The following ZFHX3 variants were observed in gnomAD, a reference collection of about 807,000 sequenced individuals.
ZFHX3 encodes the protein zinc finger homeobox 3.
Under a neutral mutation model 279.1 loss-of-function variants are expected in ZFHX3, and 42 were observed. That is an observed-to-expected ratio of 0.15 (90% CI 0.12 to 0.19). The LOEUF (loss-of-function observed/expected upper bound fraction) is 0.19, where lower values mean the gene tolerates loss of function less well. Among genes scored for constraint, ZFHX3 ranks in the 10% least tolerant of loss-of-function variants. ZFHX3 has a pLI of 1.00. For missense variants in ZFHX3, 4,981 were observed against 4,754.0 expected, an observed-to-expected ratio of 1.05 and a Z score of -1.40; for synonymous variants, 2,293 against 1,957.8, an observed-to-expected ratio of 1.17 and a Z score of -4.52.
At position 73,877,661 on chromosome 16, in the gene ZFHX3, T is replaced by A. The variant is rs145167918; in HGVS notation, c.-1608+13990A>T. ...AATAGAAAGAAACAGTATTGATAAA[T>A]GGAAGTCAAATATTATTACCAAATG... is the stretch of plus-strand genomic sequence containing the variant. On this transcript the variant is annotated intron_variant, in intron 1 of 17. Transcript: ENST00000641206. Among the ~76,000 whole-genome samples the A allele has an allele frequency of 9.1e-4, 139 of 152,228 alleles. 1 individual carries two copies. The highest frequency in any genetic ancestry group is 3.1e-3 in the African/African-American group (130 of 41,556).
chr16:72,951,551 C>T (rs748378497), intron 2 of ZFHX3, among the ~76,000 whole-genome samples: 6 of 152,172 alleles, frequency 3.9e-5, no homozygotes, highest in Admixed American at 6.5e-5. Flanking sequence ...CATGAGCCAC[C>T]GCGCCCAGCC....
chr16:73,166,392 AT>A (rs1327093509), intron 5 of ZFHX3, among the ~76,000 whole-genome samples: 2 of 152,274 alleles, frequency 1.3e-5, no homozygotes, highest in South Asian at 2.1e-4. Flanking sequence ...TTGCAATGAG[AT>A]TTTTTAGAAT....
intron 2 of ZFHX3, among the ~76,000 whole-genome samples, chr16:73,467,373 TCA>T (rs2018591568): frequency 6.6e-6 from 1 of 152,180 alleles, no homozygotes; most frequent in African/African-American, 2.4e-5. Context: ...GGACTCTAGG[TCA>T]CAATTCTTGG....
intron 5 of ZFHX3, among the ~76,000 whole-genome samples, chr16:73,168,290 C>CTTTCTT (rs1555502352): frequency 9.5e-5 from 8 of 84,192 alleles, no homozygotes; most frequent in African/African-American, 1.4e-4. Context: ...GAGACAAAGT[C>CTTTCTT]TCACTCTGTC....
chr16:73,276,191 T>A (rs1241271869), intron 4 of ZFHX3, among the ~76,000 whole-genome samples: 3 of 151,144 alleles, frequency 2.0e-5, no homozygotes, highest in African/African-American at 7.3e-5. Flanking sequence ...TTTTTTTTTT[T>A]TTCTTTTCTG....
intron 1 of ZFHX3, among the ~76,000 whole-genome samples, chr16:73,871,741 A>G (rs1170789205): frequency 1.3e-5 from 2 of 152,210 alleles, no homozygotes; most frequent in Non-Finnish European, 2.9e-5. Flanking sequence ...CTTTAAAAAA[A>G]AAATGAAGTT....
At chr16:73,876,877 G>A (rs938413417) in intron 1 of ZFHX3, among the ~76,000 whole-genome samples, 3 of 152,090 alleles carry the variant, frequency 2.0e-5, no homozygotes, top group African/African-American at 7.2e-5. Flanking sequence ...AACCCACCGT[G>A]TGGGTTCACG....
intron 3 of ZFHX3, among the ~76,000 whole-genome samples, chr16:72,921,852 C>G (rs1246569599): frequency 6.6e-6 from 1 of 152,232 alleles, no homozygotes; most frequent in Non-Finnish European, 1.5e-5. Flanking sequence ...TCACCGGCAG[C>G]AGGCAGTACC....
At chr16:73,415,449 G>A (rs1436971678) in intron 3 of ZFHX3, among the ~76,000 whole-genome samples, 1 of 152,210 alleles carries the variant, frequency 6.6e-6, no homozygotes, top group Non-Finnish European at 1.5e-5. Context: ...TAATGAAACA[G>A]ATGGTGGAAA....
chr16:73,798,147 C>G (rs1960047889), intron 1 of ZFHX3, among the ~76,000 whole-genome samples: 1 of 152,072 alleles, frequency 6.6e-6, no homozygotes, highest in Non-Finnish European at 1.5e-5. Flanking sequence ...AGTAATAACA[C>G]TGTTGTCACT....
intron 3 of ZFHX3, among the ~76,000 whole-genome samples, chr16:73,352,242 T>C (rs760449931): frequency 8.5e-5 from 13 of 152,304 alleles, no homozygotes; most frequent in Admixed American, 2.6e-4. Context: ...GTGCACTGCA[T>C]GGCCTAAAGC....
intron 1 of ZFHX3, among the ~76,000 whole-genome samples, chr16:73,842,464 C>T (rs1961335600): frequency 6.6e-6 from 1 of 152,042 alleles, no homozygotes; most frequent in East Asian, 1.9e-4. Context: ...GACCTAGAGG[C>T]TTGGTGGGCT....
chr16:72,868,577 G>A (rs1237059550), intron 4 of ZFHX3, among the ~76,000 whole-genome samples: 1 of 152,306 alleles, frequency 6.6e-6, no homozygotes, highest in African/African-American at 2.4e-5. Flanking sequence ...CTCCCTAGAG[G>A]GGAAAGTCCT....
At chr16:73,717,223 A>T (rs2053424825) in intron 1 of ZFHX3, among the ~76,000 whole-genome samples, 1 of 152,204 alleles carries the variant, frequency 6.6e-6, no homozygotes, top group African/African-American at 2.4e-5. Context: ...GTGTGGAATA[A>T]AAAGAAACAG....
intron 2 of ZFHX3, among the ~76,000 whole-genome samples, chr16:73,529,027 T>C (rs2019745427): frequency 3.9e-5 from 6 of 152,174 alleles, no homozygotes; most frequent in Admixed American, 3.9e-4. Flanking sequence ...GAATAAAATA[T>C]GAGTTTGCCA....
chr16:73,322,178 C>G (rs2015587846), intron 3 of ZFHX3, among the ~76,000 whole-genome samples: 1 of 152,122 alleles, frequency 6.6e-6, no homozygotes, highest in African/African-American at 2.4e-5. Flanking sequence ...GTCCACCAGC[C>G]TGGTCTGCAT....
At chr16:73,167,924 G>A (rs1597197990) in intron 5 of ZFHX3, among the ~76,000 whole-genome samples, 1 of 152,160 alleles carries the variant, frequency 6.6e-6, no homozygotes, top group Admixed American at 6.5e-5. Context: ...AAAACGACTC[G>A]ATGCTTCCCA....
intron 1 of ZFHX3, among the ~76,000 whole-genome samples, chr16:73,004,321 CTTTTTT>C (rs34987461): frequency 3.8e-5 from 2 of 52,102 alleles, no homozygotes; most frequent in African/African-American, 1.7e-4. Context: ...ATGCATCAAT[CTTTTTT>C]TTTTTTTTTT....
intron 2 of ZFHX3, among the ~76,000 whole-genome samples, chr16:73,469,430 G>A (rs1310249595): frequency 2.6e-5 from 4 of 152,056 alleles, no homozygotes; most frequent in South Asian, 2.1e-4. Context: ...GCAGAACAGA[G>A]CACCTGTATA....
Sources: gnomAD v4.1 joint callset for allele counts (sites outside exome capture counted in the v4.1 genomes callset) on GRCh38, gnomAD v4.1.1 for gene constraint, MANE v1.5 for transcripts, NCBI Gene and HGNC (gene_info 2026-07-23, HGNC 2026-07-21) for gene names.